PPARGC1A: variants seen among roughly 807,000 people sequenced by gnomAD.
The protein encoded by PPARGC1A is peroxisome proliferator-activated receptor gamma coactivator 1-alpha.
PPARGC1A carries 25 observed loss-of-function variants against 88.7 expected under a neutral mutation model. The observed-to-expected ratio is 0.28, with a 90% CI of 0.21 to 0.39. The LOEUF (loss-of-function observed/expected upper bound fraction) is 0.39. Ranked by LOEUF, PPARGC1A falls within the 10% of genes least tolerant of loss-of-function variation. PPARGC1A has a pLI of 1.00. For missense variants in PPARGC1A, 880 were observed against 968.7 expected (o/e 0.91, Z 1.22); for synonymous variants, 363 against 355.6 (o/e 1.02, Z -0.24).
chr4:24,078,054 A>C, the PPARGC1A span, among the ~76,000 whole-genome samples: 1 of 152,022 alleles, frequency 6.6e-6, no homozygotes, highest in Non-Finnish European at 1.5e-5. Flanking sequence ...CTAGAAATAA[A>C]TATTTTAAAA....
the PPARGC1A span, among the ~76,000 whole-genome samples, chr4:24,194,334 T>A: frequency 6.6e-6 from 1 of 152,104 alleles, no homozygotes; most frequent in Non-Finnish European, 1.5e-5. Context: ...GAGAGCTGAT[T>A]TAATATAAAA....
rs547257486 is a variant in PPARGC1A at position 23,824,513 on chromosome 4, A to G, written c.758-5T>C. The G allele has an allele frequency of 3.8e-6, 6 of 1,590,500 alleles. 1 individual carries two copies. In the Admixed American group the frequency reaches 7.0e-5, roughly 18 times the overall value. ...GAGATAAAGTTGTTGGTTTGGCTAA[A>G]GAAAAAAAAAAGAAACTAATTATGT... On this transcript the variant is annotated splice_region_variant and splice_polypyrimidine_tract_variant and intron_variant, in intron 5 of 12. Transcript: ENST00000264867.
the PPARGC1A span, among the ~76,000 whole-genome samples, chr4:24,421,919 A>C: frequency 1.3e-5 from 2 of 152,210 alleles, no homozygotes; most frequent in African/African-American, 4.8e-5. Context: ...CTTATAAATT[A>C]AACTTAAGTT....
the PPARGC1A span, among the ~76,000 whole-genome samples, chr4:24,074,822 G>A: frequency 6.6e-6 from 1 of 152,170 alleles, no homozygotes; most frequent in African/African-American, 2.4e-5. Context: ...TGCACAGAGA[G>A]AGATGTTTAG....
At chr4:23,992,682 G>A in the PPARGC1A span, among the ~76,000 whole-genome samples, 2 of 152,090 alleles carry the variant, frequency 1.3e-5, no homozygotes, top group African/African-American at 4.8e-5. Flanking sequence ...AAGACTGATT[G>A]AAAGGCTCGA....
At chr4:24,388,320 A>G in the PPARGC1A span, among the ~76,000 whole-genome samples, 2 of 152,216 alleles carry the variant, frequency 1.3e-5, no homozygotes, top group African/African-American at 4.8e-5. Context: ...TCAGGAAACA[A>G]CAGATGCTGG....
the PPARGC1A span, among the ~76,000 whole-genome samples, chr4:24,256,945 A>G: frequency 1.3e-5 from 2 of 152,186 alleles, no homozygotes; most frequent in African/African-American, 2.4e-5. Flanking sequence ...TTTGGAAATC[A>G]TGGAAATGAG....
the PPARGC1A span, among the ~76,000 whole-genome samples, chr4:24,234,287 C>T: frequency 1.7e-4 from 26 of 152,294 alleles, no homozygotes; most frequent in East Asian, 1.4e-3. Context: ...TTATAACAGA[C>T]GTGACTGACA....
chr4:24,339,775 G>A, the PPARGC1A span, among the ~76,000 whole-genome samples: 1 of 152,148 alleles, frequency 6.6e-6, no homozygotes, highest in Non-Finnish European at 1.5e-5. Context: ...GTCTAGCTCT[G>A]TCGTCCAGGC....
intron 2 of PPARGC1A, among the ~76,000 whole-genome samples, chr4:23,870,521 A>T (rs1052666403): frequency 6.6e-6 from 1 of 152,178 alleles, no homozygotes; most frequent in Non-Finnish European, 1.5e-5. Flanking sequence ...CCATTTCATG[A>T]ATTTTCTAAA....
At chr4:24,284,303 C>T in the PPARGC1A span, among the ~76,000 whole-genome samples, 3,744 of 151,722 alleles carry the variant, frequency 0.025, 151 homozygotes, top group African/African-American at 0.087. Flanking sequence ...AGCGAGACTC[C>T]ATCTCAAAAC....
chr4:23,972,535 A>G, the PPARGC1A span, among the ~76,000 whole-genome samples: 1 of 152,240 alleles, frequency 6.6e-6, no homozygotes, highest in Non-Finnish European at 1.5e-5. Context: ...CATAATACGT[A>G]TGAAAGTGCT....
intron 10 of PPARGC1A, among the ~76,000 whole-genome samples, chr4:23,810,787 C>A (rs1235645561): frequency 6.6e-6 from 1 of 152,038 alleles, no homozygotes; most frequent in Non-Finnish European, 1.5e-5. Flanking sequence ...CCAAAATAAT[C>A]ATTTTCCTAC....
the PPARGC1A span, among the ~76,000 whole-genome samples, chr4:23,946,080 T>C: frequency 6.6e-6 from 1 of 152,116 alleles, no homozygotes; most frequent in Non-Finnish European, 1.5e-5. Context: ...TAAGATACCA[T>C]GGTCCCAGAC....
At chr4:24,405,084 A>G in the PPARGC1A span, among the ~76,000 whole-genome samples, 2 of 152,240 alleles carry the variant, frequency 1.3e-5, no homozygotes, top group African/African-American at 4.8e-5. Context: ...ATCAAATAAA[A>G]TAAGTTATTC....
the PPARGC1A span, among the ~76,000 whole-genome samples, chr4:24,351,104 G>A: frequency 6.6e-6 from 1 of 152,094 alleles, no homozygotes; most frequent in Non-Finnish European, 1.5e-5. Context: ...GGTGGCTCAT[G>A]CCTATAGTCC....
At chr4:23,896,923 C>T (rs989606656) in intron 1 of PPARGC1A, among the ~76,000 whole-genome samples, 4 of 152,130 alleles carry the variant, frequency 2.6e-5, no homozygotes, top group Non-Finnish European at 4.4e-5. Context: ...AATGCAGTCC[C>T]AGTTTCAACC....
chr4:24,137,525 T>A, the PPARGC1A span, among the ~76,000 whole-genome samples: 2 of 152,088 alleles, frequency 1.3e-5, no homozygotes, highest in Non-Finnish European at 2.9e-5. Flanking sequence ...ATTTTACAGA[T>A]GCATAAAGAG....
At chr4:24,450,127 G>A in the PPARGC1A span, among the ~76,000 whole-genome samples, 2 of 152,182 alleles carry the variant, frequency 1.3e-5, no homozygotes, top group Non-Finnish European at 2.9e-5. Context: ...GTCTAGAAGA[G>A]GATGAAGAAA....
Sources: gnomAD v4.1 joint callset for allele counts (sites outside exome capture counted in the v4.1 genomes callset) on GRCh38, gnomAD v4.1.1 for gene constraint, MANE v1.5 for transcripts, NCBI Gene and HGNC (gene_info 2026-07-23, HGNC 2026-07-21) for gene names.